PPP1R12B: variants seen among roughly 807,000 people sequenced by gnomAD.
The protein encoded by PPP1R12B is myosin phosphatase target subunit 2.
In PPP1R12B, 76 loss-of-function variants were observed where a neutral mutation model predicts 126.1. That is an observed-to-expected ratio of 0.60 (90% CI 0.50 to 0.73). The LOEUF (loss-of-function observed/expected upper bound fraction) is 0.73, where lower values mean the gene tolerates loss of function less well. PPP1R12B is among the 30% of genes least tolerant of loss of function. The pLI is 0.00. For synonymous variants in PPP1R12B, 356 were observed against 434.7 expected, an observed-to-expected ratio of 0.82 and a Z score of 2.25; for missense variants, 1,052 against 1,205.1, an observed-to-expected ratio of 0.87 and a Z score of 1.88.
rs1044176198 is a variant in PPP1R12B, at chr1:202,439,320, G to A, written c.1458+1296G>A. The A allele has an allele frequency of 3.5e-6, 5 of 1,421,518 alleles. No homozygotes were observed. The Admixed American group carries it at 8.6e-5, about 25-fold the overall frequency. 88.1% of individuals were successfully genotyped at this position (1,421,518 alleles called of 1,614,324 possible). On this transcript the variant is annotated intron_variant, in intron 10 of 23. Coordinates refer to ENST00000608999, the MANE Select transcript of PPP1R12B (RefSeq NM_002481.4). ...CAGTGAGGCCATCTCCATCCTGAGG[G>A]CAGCCCTGAAGCTGGAACCTTCCAA...
chr1:202,449,860 A>C (rs998555586), intron 13 of PPP1R12B, among the ~76,000 whole-genome samples: 15 of 144,530 alleles, frequency 1.0e-4, no homozygotes, highest in African/African-American at 3.6e-4. Flanking sequence ...CTAATCTTTT[A>C]TATTTTTAGT....
intron 1 of PPP1R12B, among the ~76,000 whole-genome samples, chr1:202,363,087 G>A (rs1454681884): frequency 1.3e-5 from 2 of 152,154 alleles, no homozygotes; most frequent in African/African-American, 2.4e-5. Flanking sequence ...ACCCATCTTG[G>A]CCTCCCAAAG....
chr1:202,480,730 A>G (rs1208103108), intron 13 of PPP1R12B, among the ~76,000 whole-genome samples: 1 of 152,210 alleles, frequency 6.6e-6, no homozygotes, highest in African/African-American at 2.4e-5. Flanking sequence ...GTATGTCAAT[A>G]TTGGGAAGAT....
chr1:202,567,117 T>G (rs1688122304), intron 21 of PPP1R12B, among the ~76,000 whole-genome samples: 1 of 152,244 alleles, frequency 6.6e-6, no homozygotes, highest in Non-Finnish European at 1.5e-5. Context: ...TCTAAATCTT[T>G]TATTCAAATA....
intron 1 of PPP1R12B, among the ~76,000 whole-genome samples, chr1:202,383,042 T>C (rs1662591431): frequency 6.6e-6 from 1 of 152,210 alleles, no homozygotes; most frequent in Admixed American, 6.5e-5. Context: ...AAAGAAATTG[T>C]CATCATATTC....
chr1:202,585,028 ACT>A lies in PPP1R12B; in HGVS notation c.*4474_*4475del, dbSNP rs1318521821. 5.9e-5 allele frequency: 9 copies of A among 152,014 alleles called. No homozygotes were observed. Among genetic ancestry groups the A allele is most frequent in the Admixed American group, 2.6e-4 (4 of 15,270 alleles). The allele number at this position is 152,014 out of a possible 1,614,324, so 9.4% of individuals were successfully genotyped here. A position where few individuals can be genotyped will look rare whatever the true frequency, so the allele number is the denominator to read the frequency against. On this transcript the variant is annotated 3_prime_UTR_variant, in exon 24 of 24. Transcript: ENST00000608999. ...TATTACTACAAATCTTAGTCACCAT[ACT>A]CTCTCGCCCAGGCTGGAGTGCAGTG...
intron 14 of PPP1R12B, among the ~76,000 whole-genome samples, chr1:202,492,224 C>T (rs1275188928): frequency 6.6e-6 from 1 of 152,172 alleles, no homozygotes; most frequent in Non-Finnish European, 1.5e-5. Context: ...ATCTTTTCTG[C>T]TAGACTAAAA....
intron 1 of PPP1R12B, among the ~76,000 whole-genome samples, chr1:202,381,718 C>T (rs78006046): frequency 6.6e-6 from 1 of 152,264 alleles, no homozygotes; most frequent in African/African-American, 2.4e-5. Flanking sequence ...AATTCCAAAT[C>T]CTTCCTTTAT....
At chr1:202,471,345 C>CT (rs571223772) in intron 13 of PPP1R12B, among the ~76,000 whole-genome samples, 87 of 143,770 alleles carry the variant, frequency 6.1e-4, no homozygotes, top group South Asian at 1.3e-3. Context: ...GTATTTAGGT[C>CT]TTTTTTTTTT....
intron 9 of PPP1R12B, among the ~76,000 whole-genome samples, chr1:202,436,437 A>C (rs79070853): frequency 0.011 from 1,744 of 152,166 alleles, 21 homozygotes; most frequent in Non-Finnish European, 0.02. Flanking sequence ...ATGACTGATG[A>C]AAAGAGAAAA....
chr1:202,442,598 A>G (rs1671773558), intron 12 of PPP1R12B, 26 bp downstream of exon 12: 1 of 1,594,096 alleles, frequency 6.3e-7, no homozygotes, highest in Non-Finnish European at 8.6e-7. Context: ...GGGGTGGGAG[A>G]TGTTTCTTTC....
chr1:202,354,051 G>C (rs1166467374), intron 1 of PPP1R12B, among the ~76,000 whole-genome samples: 3 of 152,134 alleles, frequency 2.0e-5, no homozygotes, highest in Non-Finnish European at 2.9e-5. Flanking sequence ...AAGGTAAGGA[G>C]TTGGACCAGT....
intron 18 of PPP1R12B, chr1:202,539,959 G>T (rs1365004253): frequency 6.9e-6 from 7 of 1,017,258 alleles, no homozygotes; most frequent in African/African-American, 1.7e-5. Context: ...TGTAACTGGG[G>T]ACTGGTTCAG....
At chr1:202,374,043 G>A (rs1043780873) in intron 1 of PPP1R12B, among the ~76,000 whole-genome samples, 1 of 152,144 alleles carries the variant, frequency 6.6e-6, no homozygotes, top group African/African-American at 2.4e-5. Flanking sequence ...GTCTCACATA[G>A]TATGCTTTAA....
At chr1:202,405,576 C>G (rs1190301125) in intron 1 of PPP1R12B, among the ~76,000 whole-genome samples, 2 of 152,130 alleles carry the variant, frequency 1.3e-5, no homozygotes, top group Non-Finnish European at 2.9e-5. Context: ...TTTTTATGTA[C>G]ATTAGCTCAT....
At chr1:202,561,198 CAGAT>C (rs1463587835) in intron 19 of PPP1R12B, among the ~76,000 whole-genome samples, 3 of 151,780 alleles carry the variant, frequency 2.0e-5, no homozygotes, top group Non-Finnish European at 4.4e-5. Flanking sequence ...AAATTAATGA[CAGAT>C]ACATATTTCT....
intron 1 of PPP1R12B, among the ~76,000 whole-genome samples, chr1:202,413,822 C>G (rs1667710371): frequency 6.6e-6 from 1 of 152,096 alleles, no homozygotes; most frequent in South Asian, 2.1e-4. Context: ...AATCTGGCCT[C>G]TCAAAGGTAT....
intron 13 of PPP1R12B, among the ~76,000 whole-genome samples, chr1:202,449,378 C>T (rs1672654104): frequency 6.6e-6 from 1 of 151,316 alleles, no homozygotes; most frequent in Non-Finnish European, 1.5e-5. Flanking sequence ...CGGGTTCAAA[C>T]GATTCTCCTG....
intron 10 of PPP1R12B, among the ~76,000 whole-genome samples, chr1:202,440,423 T>C (rs1671459526): frequency 6.6e-6 from 1 of 152,234 alleles, no homozygotes; most frequent in South Asian, 2.1e-4. Context: ...CCTCCTCTCT[T>C]GACAGAGGTG....
Sources: allele counts gnomAD v4.1 joint callset (sites outside exome capture counted in the v4.1 genomes callset), GRCh38; gene constraint gnomAD v4.1.1; transcripts MANE v1.5; gene names NCBI Gene and HGNC (gene_info 2026-07-23, HGNC 2026-07-21).